Variants in LMLN observed in about 807,000 individuals in gnomAD.
LMLN encodes leishmanolysin-like peptidase.
LMLN carries 70 observed loss-of-function variants against 92.3 expected under a neutral mutation model. The observed-to-expected ratio is 0.76, with a 90% CI of 0.63 to 0.92. The LOEUF (loss-of-function observed/expected upper bound fraction) is 0.92. Among genes scored for constraint, LMLN ranks in the 40% least tolerant of loss-of-function variants. The pLI is 0.00. For synonymous variants in LMLN, 308 were observed against 296.2 expected (o/e 1.04, Z -0.41); for missense variants, 691 against 814.6 (o/e 0.85, Z 1.85).
At chr3:197,971,167 T>C (rs1229401815) in intron 1 of LMLN, among the ~76,000 whole-genome samples, 1 of 152,226 alleles carries the variant, frequency 6.6e-6, no homozygotes, top group Non-Finnish European at 1.5e-5. Flanking sequence ...TTGTATTAGT[T>C]CTCACACTGC....
intron 8 of LMLN, 116 bp downstream of exon 8, chr3:197,986,006 G>C: frequency 1.6e-6 from 1 of 638,458 alleles, no homozygotes; most frequent in East Asian, 2.7e-5. Flanking sequence ...GCAAACCTAA[G>C]GAAATTGTAG....
intron 14 of LMLN, among the ~76,000 whole-genome samples, chr3:198,029,009 A>G (rs1723007974): frequency 6.6e-6 from 1 of 152,206 alleles, no homozygotes; most frequent in Non-Finnish European, 1.5e-5. Flanking sequence ...TACTTTGATC[A>G]TTCTGAATTC....
At chr3:198,013,979 C>T (rs1286740140) in intron 11 of LMLN, among the ~76,000 whole-genome samples, 1 of 129,068 alleles carries the variant, frequency 7.7e-6, no homozygotes, top group African/African-American at 3.2e-5. Flanking sequence ...TGACTTCTCT[C>T]CACCCTTTAG....
chr3:198,015,857 C>T (rs1022070359), intron 11 of LMLN, among the ~76,000 whole-genome samples: 1 of 152,110 alleles, frequency 6.6e-6, no homozygotes, highest in South Asian at 2.1e-4. Flanking sequence ...GTCCATCTTC[C>T]AGGAATTAGA....
chr3:197,996,983 T>G (rs1212327475), intron 10 of LMLN, among the ~76,000 whole-genome samples: 3 of 151,146 alleles, frequency 2.0e-5, no homozygotes, highest in Admixed American at 6.6e-5. Flanking sequence ...TGTTCGTTCT[T>G]TTCTTTTGTT....
At chr3:198,029,556 C>T (rs769722025) in intron 14 of LMLN, among the ~76,000 whole-genome samples, 1 of 152,066 alleles carries the variant, frequency 6.6e-6, no homozygotes, top group Non-Finnish European at 1.5e-5. Context: ...GCCTGTGATC[C>T]CAGATATTCA....
At chr3:198,018,497 G>A (rs949498025) in intron 11 of LMLN, among the ~76,000 whole-genome samples, 7 of 152,216 alleles carry the variant, frequency 4.6e-5, no homozygotes, top group African/African-American at 1.7e-4. Flanking sequence ...CTGTTAGGCT[G>A]TGCTGCTTCC....
At chr3:198,012,919 T>C (rs566300272) in intron 11 of LMLN, among the ~76,000 whole-genome samples, 24 of 94,128 alleles carry the variant, frequency 2.5e-4, no homozygotes, top group South Asian at 7.6e-4. Context: ...CCCTTCAGAG[T>C]CCCCTAACTA....
At chr3:198,009,298 C>A (rs184386477) in intron 11 of LMLN, among the ~76,000 whole-genome samples, 13 of 152,176 alleles carry the variant, frequency 8.5e-5, no homozygotes, top group South Asian at 2.1e-4. Context: ...TTTTGACTTA[C>A]ATATTTTGAC....
At chr3:198,026,301 T>A (rs1722930286) in intron 14 of LMLN, among the ~76,000 whole-genome samples, 1 of 151,862 alleles carries the variant, frequency 6.6e-6, no homozygotes, top group Non-Finnish European at 1.5e-5. Context: ...ATACAATTTA[T>A]GTAAAATTAA....
chr3:198,039,865 T>C (rs905158952), exon 16 of LMLN: 1 of 152,200 alleles, frequency 6.6e-6, no homozygotes, highest in African/African-American at 2.4e-5. Context: ...GCTCAGCTTC[T>C]GGTTGTATTC....
intron 14 of LMLN, among the ~76,000 whole-genome samples, chr3:198,033,424 C>CT (rs1174418198): frequency 6.0e-4 from 88 of 147,882 alleles, no homozygotes; most frequent in African/African-American, 1.6e-3. Context: ...TTTTTATTAT[C>CT]TTTTTTTTTT....
intron 11 of LMLN, among the ~76,000 whole-genome samples, chr3:198,000,431 ATTCT>A (rs890375765): frequency 4.6e-5 from 7 of 152,050 alleles, no homozygotes; most frequent in Admixed American, 3.9e-4. Flanking sequence ...TATAGAGGTT[ATTCT>A]TTCTTTTTTT....
intron 1 of LMLN, among the ~76,000 whole-genome samples, chr3:197,973,001 T>C (rs1721271892): frequency 6.6e-6 from 1 of 152,174 alleles, no homozygotes; most frequent in South Asian, 2.1e-4. Context: ...TCTGACTTCC[T>C]GCCACTCCAA....
chr3:197,993,225 T>A (rs1273166321), intron 9 of LMLN, among the ~76,000 whole-genome samples: 2 of 152,068 alleles, frequency 1.3e-5, no homozygotes, highest in Non-Finnish European at 2.9e-5. Flanking sequence ...TCTGGAACAC[T>A]CTTACCACTT....
At chr3:198,005,297 A>G (rs1415440656) in intron 11 of LMLN, among the ~76,000 whole-genome samples, 1 of 151,426 alleles carries the variant, frequency 6.6e-6, no homozygotes, top group Non-Finnish European at 1.5e-5. Flanking sequence ...ATCTATCTAT[A>G]TATCATCTAT....
chr3:197,988,330 C>A (rs1721769980), intron 8 of LMLN, among the ~76,000 whole-genome samples: 1 of 151,768 alleles, frequency 6.6e-6, no homozygotes, highest in Admixed American at 6.6e-5. Flanking sequence ...TAAAAATATT[C>A]TCCTACATTT....
At chr3:197,980,266 A>G in intron 5 of LMLN, 60 bp from the exon 6 acceptor site, 2 of 1,411,138 alleles carry the variant, frequency 1.4e-6, no homozygotes, top group South Asian at 2.5e-5. Flanking sequence ...TATAAGATTA[A>G]ATGCCACTAC....
At chr3:198,041,394 C>T (rs913699465) in exon 16 of LMLN, 1 of 152,170 alleles carries the variant, frequency 6.6e-6, no homozygotes, top group African/African-American at 2.4e-5. Context: ...AAGTACTTAA[C>T]ACAAACTTTG....
Sources: allele counts gnomAD v4.1 joint callset (sites outside exome capture counted in the v4.1 genomes callset), GRCh38; gene constraint gnomAD v4.1.1; transcripts MANE v1.5; gene names NCBI Gene and HGNC (gene_info 2026-07-23, HGNC 2026-07-21).